The following CNTFR variants were observed in gnomAD, a reference collection of about 807,000 sequenced individuals.
CNTFR encodes ciliary neurotrophic factor receptor subunit alpha.
CNTFR carries 12 observed loss-of-function variants against 40.4 expected under a neutral mutation model. The ratio of observed to expected loss-of-function variants is 0.30; its 90% confidence interval spans 0.19 to 0.48. CNTFR has a LOEUF of 0.48. Among genes scored for constraint, CNTFR ranks in the 20% least tolerant of loss-of-function variants. The probability of loss-of-function intolerance (pLI) is 0.99; values close to 1 mark genes in which losing one functional copy is unlikely to be tolerated. For missense variants in CNTFR, 414 were observed against 506.8 expected (o/e 0.82, Z 1.76); for synonymous variants, 202 against 209.6 (o/e 0.96, Z 0.31).
chr9:34,584,251 C>T (rs1827450265), intron 1 of CNTFR, among the ~76,000 whole-genome samples: 1 of 152,212 alleles, frequency 6.6e-6, no homozygotes. Context: ...ACAGATTACC[C>T]TAAATGTTGC....
In CNTFR at chr9:34,556,294, A is replaced by G; in HGVS notation, c.729T>C (p.Phe243=). The G allele has an allele frequency of 6.2e-7, 1 of 1,613,726 alleles. No homozygotes were observed. The highest frequency in any genetic ancestry group is 8.5e-7 in the Non-Finnish European group (1 of 1,179,898). The change falls in exon 7 of 10, where the codon TTT becomes TTC. Residue 243 remains phenylalanine, a synonymous_variant. Coordinates refer to ENST00000378980, the MANE Select transcript of CNTFR (RefSeq NM_147164.3). ...PDPESFPLKF[F]LRYRPLILDQ... The stretch of plus-strand genomic sequence containing the variant: ...CCAGGATGAGGGGTCGGTAGCGCAG[A>G]AAGAACTTGAGAGGAAAAGACTCAG...
intron 1 of CNTFR, among the ~76,000 whole-genome samples, chr9:34,587,690 G>A (rs574418636): frequency 6.6e-6 from 1 of 152,270 alleles, no homozygotes; most frequent in African/African-American, 2.4e-5. Context: ...TTCCCCATGC[G>A]AGTCTGACTA....
intron 4 of CNTFR, among the ~76,000 whole-genome samples, chr9:34,560,635 C>T (rs949751331): frequency 1.3e-5 from 2 of 152,216 alleles, no homozygotes; most frequent in African/African-American, 4.8e-5. Context: ...AACTGAACAC[C>T]GTGTGAGTGC....
At chr9:34,579,787 C>T (rs1827194154) in intron 2 of CNTFR, among the ~76,000 whole-genome samples, 1 of 152,120 alleles carries the variant, frequency 6.6e-6, no homozygotes, top group Non-Finnish European at 1.5e-5. Flanking sequence ...GTTTTTCATC[C>T]ACTTTGTTAA....
chr9:34,563,569 C>G (rs988113175), intron 4 of CNTFR, among the ~76,000 whole-genome samples: 2 of 152,254 alleles, frequency 1.3e-5, no homozygotes, highest in Non-Finnish European at 2.9e-5. Flanking sequence ...AAACAAACTA[C>G]TTGCATAAGA....
upstream of CNTFR, among the ~76,000 whole-genome samples, chr9:34,590,499 C>G (rs1452158511): frequency 6.6e-6 from 1 of 152,242 alleles, no homozygotes; most frequent in Non-Finnish European, 1.5e-5. Context: ...GTCACCCCCT[C>G]GCGCGGGGGA....
In CNTFR at chr9:34,586,533, G is replaced by T. The variant is rs957321244; in HGVS notation, c.-112+3022C>A. ...CTAAGAATGATTGAGATGTGTGTGT[G>T]TATGGGGCGGGGGAGATGTCTTGGG... On this transcript the variant is annotated intron_variant, in intron 1 of 9. Coordinates refer to ENST00000378980, the MANE Select transcript of CNTFR (RefSeq NM_147164.3). Among the ~76,000 whole-genome samples the T allele has an allele frequency of 2.0e-5, 3 of 152,288 alleles. 1 individual carries two copies. Among genetic ancestry groups the T allele is most frequent in the Admixed American group, 1.3e-4 (2 of 15,306 alleles).
chr9:34,564,348 T>C (rs1020790079), intron 4 of CNTFR, among the ~76,000 whole-genome samples: 1 of 152,130 alleles, frequency 6.6e-6, no homozygotes, highest in Non-Finnish European at 1.5e-5. Flanking sequence ...TCAGAGGGAA[T>C]AGGGTTTTAG....
chr9:34,581,733 C>T (rs1488067603), intron 1 of CNTFR, among the ~76,000 whole-genome samples: 1 of 152,140 alleles, frequency 6.6e-6, no homozygotes, highest in Non-Finnish European at 1.5e-5. Context: ...ATTTGATAAC[C>T]AAGGAGATTG....
chr9:34,551,742 G>T lies in CNTFR; in HGVS notation c.*329C>A. The T allele has an allele frequency of 1.9e-6, 1 of 537,906 alleles. No individual in the cohort carries two copies. Among genetic ancestry groups the T allele is most frequent in the South Asian group, 2.0e-5 (1 of 48,808 alleles). The allele number at this position is 537,906 out of a possible 1,614,324, so 33.3% of individuals were successfully genotyped here. ...GAGGCTGGGGCAGGAGGAGAAATCG[G>T]ATGTGAGAGGCTCCCCTCACGTCCC... On this transcript the variant is annotated 3_prime_UTR_variant, in exon 10 of 10. Coordinates refer to ENST00000378980, the MANE Select transcript of CNTFR (RefSeq NM_147164.3).
intron 3 of CNTFR, among the ~76,000 whole-genome samples, chr9:34,566,741 C>G (rs1314010899): frequency 6.6e-6 from 1 of 152,144 alleles, no homozygotes; most frequent in African/African-American, 2.4e-5. Flanking sequence ...CTAACGTGGA[C>G]CCAGTGTGGC....
At chr9:34,563,960 G>T (rs777306876) in intron 4 of CNTFR, among the ~76,000 whole-genome samples, 5 of 152,034 alleles carry the variant, frequency 3.3e-5, no homozygotes, top group Non-Finnish European at 7.4e-5. Context: ...TCTGCCCCCC[G>T]TCCCTTCCTT....
At position 34,557,794 on chromosome 9, in the gene CNTFR, G is replaced by A; in HGVS notation, c.437+73C>T. Reference sequence around the variant, plus strand: ...CCAAGGCAGGGCTGGGGTATGGACAGAGGGCATGGTGGTGGGATGGGGGAG... The same window carrying A: ...CCAAGGCAGGGCTGGGGTATGGACAAAGGGCATGGTGGTGGGATGGGGGAG... On this transcript the variant is annotated intron_variant, in intron 5 of 9. Coordinates refer to ENST00000378980, the MANE Select transcript of CNTFR (RefSeq NM_147164.3). This position sits in a 1 kb window ranked among gnomAD's most constrained non-coding sequence, Gnocchi z 4.2. 1 of 1,557,788 alleles carries A rather than the reference G, an allele frequency of 6.4e-7. No individual in the cohort carries two copies. The highest frequency in any genetic ancestry group is 1.7e-5 in the Admixed American group (1 of 58,748).
intron 1 of CNTFR, among the ~76,000 whole-genome samples, chr9:34,584,039 G>C (rs890012631): frequency 2.0e-5 from 3 of 152,170 alleles, no homozygotes; most frequent in Non-Finnish European, 4.4e-5. Flanking sequence ...CTGAGAGCAG[G>C]GGCTCTGAAG....
chr9:34,568,817 G>T, intron 3 of CNTFR, 80 bp downstream of exon 3: 1 of 1,288,052 alleles, frequency 7.8e-7, no homozygotes, highest in Non-Finnish European at 1.1e-6. Context: ...CTTGGGTAGT[G>T]TCAGGATGCA....
At position 34,568,880 on chromosome 9, in the gene CNTFR, C is replaced by T. The variant is rs1172367669; in HGVS notation, c.85+17G>A. On this transcript the variant is annotated intron_variant, in intron 3 of 9. Transcript: ENST00000378980. ...CTCTGAGAGGGGGGTCAGCAGGCGG[C>T]TCCCGTGAGCACTCACCCTGTGGAC... 6.4e-7 allele frequency: 1 copy of T among 1,569,624 alleles called. No individual in the cohort carries two copies. Among genetic ancestry groups the T allele is most frequent in the South Asian group, 1.2e-5 (1 of 85,268 alleles).
intron 4 of CNTFR, among the ~76,000 whole-genome samples, chr9:34,563,916 A>C (rs1826170811): frequency 6.6e-6 from 1 of 152,094 alleles, no homozygotes; most frequent in Non-Finnish European, 1.5e-5. Flanking sequence ...AACATGACCC[A>C]GAAGATGTCA....
chr9:34,552,855 C>T lies in CNTFR; in HGVS notation c.769-1G>A. ...GTGCTGTGCCGTCGGACAGCTCCAC[C>T]TGCAGCCAGACCATGGGGTGGGGGT... On this transcript the variant is annotated splice_acceptor_variant, in intron 7 of 9. Coordinates refer to ENST00000378980, the MANE Select transcript of CNTFR (RefSeq NM_147164.3). LOFTEE classifies it high-confidence loss of function. The surrounding 1 kb of genome is among the most constrained non-coding windows in gnomAD (Gnocchi z 5.1). 2 of 1,610,078 alleles carry T rather than the reference C, an allele frequency of 1.2e-6. No homozygotes were observed. The highest frequency in any genetic ancestry group is 1.7e-6 in the Non-Finnish European group (2 of 1,179,648).
chr9:34,555,900 C>T (rs1421372514), intron 7 of CNTFR, among the ~76,000 whole-genome samples: 1 of 145,206 alleles, frequency 6.9e-6, no homozygotes, highest in Non-Finnish European at 1.5e-5. Context: ...ATCTCCCTCC[C>T]CCGCCATCTC....
Sources: gnomAD v4.1 joint callset for allele counts (sites outside exome capture counted in the v4.1 genomes callset) on GRCh38, gnomAD v4.1.1 for gene constraint, Gnocchi (gnomAD v3.1) non-coding constraint, MANE v1.5 for transcripts, NCBI Gene and HGNC (gene_info 2026-07-23, HGNC 2026-07-21) for gene names.